The following NR1D2 variants were observed in gnomAD, a reference collection of about 807,000 sequenced individuals.
NR1D2 encodes V-erbA-related protein 1-related.
In NR1D2, 25 loss-of-function variants were observed where a neutral mutation model predicts 52.2. The observed-to-expected ratio is 0.48, with a 90% CI of 0.35 to 0.67. The LOEUF is 0.67. Ranked by LOEUF, NR1D2 falls within the 30% of genes least tolerant of loss-of-function variation. The pLI, the probability that NR1D2 is intolerant of heterozygous loss-of-function variation, is 0.01. For missense variants in NR1D2, 681 were observed against 707.2 expected, an observed-to-expected ratio of 0.96 and a Z score of 0.42; for synonymous variants, 259 against 230.1, an observed-to-expected ratio of 1.13 and a Z score of -1.14.
At chr3:23,969,660 CA>C (rs1300254429) in intron 7 of NR1D2, among the ~76,000 whole-genome samples, 4 of 152,108 alleles carry the variant, frequency 2.6e-5, no homozygotes, top group African/African-American at 7.2e-5. Context: ...ATTAGGTGCT[CA>C]GGGGGAGACA....
intron 7 of NR1D2, among the ~76,000 whole-genome samples, chr3:23,971,303 A>AT (rs11457044): frequency 0.69 from 84,514 of 122,902 alleles, 29,975 homozygotes; most frequent in Middle Eastern, 0.79. Context: ...CTCTATACCT[A>AT]TTTTTTTTTT....
intron 4 of NR1D2, among the ~76,000 whole-genome samples, chr3:23,960,514 A>G (rs1343392686): frequency 1.3e-5 from 2 of 152,066 alleles, no homozygotes; most frequent in South Asian, 2.1e-4. Flanking sequence ...TATTTTTAGT[A>G]GAGATGGGGG....
chr3:23,966,549 A>T (rs13095392), intron 6 of NR1D2, among the ~76,000 whole-genome samples: 111,344 of 152,224 alleles, frequency 0.73, 41,050 homozygotes, highest in South Asian at 0.81. Context: ...GCCTAAAGAG[A>T]TTCTTTAATG....
At chr3:23,956,997 T>C (rs1253177579) in intron 3 of NR1D2, among the ~76,000 whole-genome samples, 1 of 152,116 alleles carries the variant, frequency 6.6e-6, no homozygotes, top group African/African-American at 2.4e-5. Flanking sequence ...GTTTTTTTTT[T>C]TTTAGATGGA....
intron 7 of NR1D2, among the ~76,000 whole-genome samples, chr3:23,976,769 A>G (rs1706734712): frequency 6.6e-6 from 1 of 152,218 alleles, no homozygotes; most frequent in African/African-American, 2.4e-5. Flanking sequence ...GAGGTTGCGC[A>G]AGGGTGCGAA....
At position 23,945,547 on chromosome 3, in the gene NR1D2, C is replaced by T; in HGVS notation, c.-32C>T. The T allele has an allele frequency of 1.7e-5, 20 of 1,145,168 alleles. No individual in the cohort carries two copies. Among genetic ancestry groups the T allele is most frequent in the Non-Finnish European group, 2.1e-5 (19 of 925,632 alleles). The allele number at this position is 1,145,168 out of a possible 1,614,324, so 70.9% of individuals were successfully genotyped here. On this transcript the variant is annotated 5_prime_UTR_variant, in exon 1 of 8. Transcript: ENST00000312521. ...GCGGCGCTGCCCCCTCTGCGGGAAG[C>T]GGGCGGCCCCGGCCGCCTCCGCGAG...
intron 7 of NR1D2, among the ~76,000 whole-genome samples, chr3:23,973,788 A>C (rs1388056813): frequency 6.6e-6 from 1 of 152,150 alleles, no homozygotes; most frequent in Non-Finnish European, 1.5e-5. Flanking sequence ...ACAGCTATAC[A>C]AAAATATTTT....
Position 23,978,205 on chromosome 3 carries a change from G to A in NR1D2, c.*786G>A, listed in dbSNP as rs948232213. On this transcript the variant is annotated 3_prime_UTR_variant, in exon 8 of 8. Transcript: ENST00000312521. ...ATACACACGTATTCAAAGTTTATGGGTACAACAAAGACATAGTACATGTAC... is the reference window on the plus strand; with the variant it reads ...ATACACACGTATTCAAAGTTTATGGATACAACAAAGACATAGTACATGTAC... 6.6e-6 allele frequency: 1 copy of A among 151,974 alleles called. No homozygotes were observed. The highest frequency in any genetic ancestry group is 1.5e-5 in the Non-Finnish European group (1 of 68,000). The allele number at this position is 151,974 out of a possible 1,614,324, so 9.4% of individuals were successfully genotyped here. A position where few individuals can be genotyped will look rare whatever the true frequency, so the allele number is the denominator to read the frequency against.
chr3:23,964,989 A>G lies in NR1D2; in HGVS notation c.1159A>G (p.Ser387Gly), dbSNP rs747819732. 1 of 1,611,472 alleles carries G rather than the reference A, an allele frequency of 6.2e-7. No individual in the cohort carries two copies. The highest frequency in any genetic ancestry group is 1.1e-5 in the South Asian group (1 of 90,744). ...TTATGTATACTAGGTTTGTCCAATG[A>G]GTAAGTCTCCATATGTGGATCCTCA... ...GGRMHLVCPM[S>G]KSPYVDPHKS... The change falls in exon 6 of 8, where the codon AGT becomes GGT. Residue 387 changes from serine to glycine, a missense_variant. Transcript: ENST00000312521.
chr3:23,953,612 G>A (rs1706004049), intron 1 of NR1D2, among the ~76,000 whole-genome samples: 1 of 152,140 alleles, frequency 6.6e-6, no homozygotes, highest in Non-Finnish European at 1.5e-5. Context: ...ATTGAACTGG[G>A]GATTGGTTAG....
intron 3 of NR1D2, among the ~76,000 whole-genome samples, chr3:23,957,102 C>A (rs1442629187): frequency 6.6e-6 from 1 of 151,882 alleles, no homozygotes; most frequent in African/African-American, 2.4e-5. Context: ...CCTGTCTCAG[C>A]CTCCCGAGTA....
intron 7 of NR1D2, among the ~76,000 whole-genome samples, chr3:23,973,344 G>T (rs1378361968): frequency 6.6e-6 from 1 of 152,168 alleles, no homozygotes; most frequent in East Asian, 1.9e-4. Context: ...TGGGTTTTAT[G>T]GTATAGCCTA....
chr3:23,953,164 C>A (rs1464812194), intron 1 of NR1D2, among the ~76,000 whole-genome samples: 1 of 151,060 alleles, frequency 6.6e-6, no homozygotes, highest in African/African-American at 2.4e-5. Context: ...TGGTGAAACC[C>A]CATCTCTACT....
chr3:23,962,627 G>A (rs890117867), intron 5 of NR1D2, 22 bp downstream of exon 5: 2 of 1,556,422 alleles, frequency 1.3e-6, no homozygotes, highest in Non-Finnish European at 1.7e-6. Context: ...TCGATTTTTT[G>A]CTTACATTGT....
At chr3:23,947,963 C>A (rs887715241) in intron 1 of NR1D2, among the ~76,000 whole-genome samples, 1 of 151,990 alleles carries the variant, frequency 6.6e-6, no homozygotes, top group Non-Finnish European at 1.5e-5. Flanking sequence ...ACTAAAAGGA[C>A]AAAAATTAGC....
Position 23,962,068 on chromosome 3 carries a change from C to T in NR1D2, c.609C>T (p.Phe203=), listed in dbSNP as rs1399454442. 2.5e-6 allele frequency: 4 copies of T among 1,614,190 alleles called. No individual in the cohort carries two copies. In the East Asian group the frequency reaches 6.7e-5, roughly 27 times the overall value. The part of the protein sequence containing the change: ...SAMKTMMNSQ[F]SGHLQNDTLV... ...TGAAGACCATGATGAACAGCCAGTTCAGTGGTCACTTGCAAAATGACACAT... is the reference window on the plus strand; with the variant it reads ...TGAAGACCATGATGAACAGCCAGTTTAGTGGTCACTTGCAAAATGACACAT... The change falls in exon 5 of 8, where the codon TTC becomes TTT. Residue 203 remains phenylalanine (F), a synonymous_variant. Transcript: ENST00000312521.
intron 1 of NR1D2, among the ~76,000 whole-genome samples, chr3:23,950,092 T>C (rs1300176759): frequency 2.0e-5 from 3 of 152,214 alleles, no homozygotes; most frequent in South Asian, 2.1e-4. Context: ...CTTGGAGGTG[T>C]TGGGACTTGC....
intron 6 of NR1D2, among the ~76,000 whole-genome samples, chr3:23,965,822 AGCATTT>A (rs1236050957): frequency 6.6e-6 from 1 of 152,222 alleles, no homozygotes; most frequent in Non-Finnish European, 1.5e-5. Context: ...AGCCTAGCCT[AGCATTT>A]ACTGTATTCG....
rs1276050371 is a variant in NR1D2, at chr3:23,965,115, C to A, written c.1285C>A (p.Leu429Ile). The A allele has an allele frequency of 1.2e-6, 2 of 1,613,776 alleles. No homozygotes were observed. Among genetic ancestry groups the A allele is most frequent in the Non-Finnish European group, 1.7e-6 (2 of 1,179,950 alleles). ...AAAGCGTATTCCTGGGTTCAGAGAT[C>A]TCTCTCAGCATGACCAGGTCAACCT... ...FAKRIPGFRD[L>I]SQHDQVNLLK... Residue 429 changes from leucine to isoleucine, a missense_variant, in exon 6 of 8, where the codon CTC becomes ATC. Around this residue, in one of 3 missense-constraint regions of NR1D2, gnomAD observed 475 missense variants for 454.5 expected, o/e 1.05. Transcript: ENST00000312521.
Sources: allele counts gnomAD v4.1 joint callset (sites outside exome capture counted in the v4.1 genomes callset), GRCh38; gene constraint gnomAD v4.1.1; regional missense constraint gnomAD v4.1.1; transcripts MANE v1.5; gene names NCBI Gene and HGNC (gene_info 2026-07-23, HGNC 2026-07-21).